Variants in ZC3H12B observed in about 807,000 individuals in gnomAD.
ZC3H12B encodes the protein zinc finger CCCH-type containing 12B, also known as probable ribonuclease ZC3H12B.
A neutral mutation model predicts 43.9 loss-of-function variants in ZC3H12B; 7 were observed. That is an observed-to-expected ratio of 0.16 (90% CI 0.09 to 0.30). ZC3H12B has a LOEUF of 0.30. Ranked by LOEUF, ZC3H12B falls within the 10% of genes least tolerant of loss-of-function variation. The pLI is 1.00. For synonymous variants in ZC3H12B, 222 were observed against 241.7 expected, an observed-to-expected ratio of 0.92 and a Z score of 0.76; for missense variants, 475 against 670.2, an observed-to-expected ratio of 0.71 and a Z score of 3.22.
chrX:65,506,343 A>G (rs2068425211), exon 5 of ZC3H12B: 1 of 112,743 alleles, frequency 8.9e-6, no homozygotes, highest in African/African-American at 3.2e-5. Context: ...ACATAAATAC[A>G]GCATGGTTCC....
chrX:65,125,087 G>A, the ZC3H12B span, among the ~76,000 whole-genome samples: 1 of 110,401 alleles, frequency 9.1e-6, no homozygotes, highest in Non-Finnish European at 1.9e-5. Flanking sequence ...TTGTTTGTTT[G>A]TGCTCTTTCA....
chrX:65,199,226 A>G, the ZC3H12B span, among the ~76,000 whole-genome samples: 1 of 107,554 alleles, frequency 9.3e-6, no homozygotes, highest in Non-Finnish European at 1.9e-5. Context: ...ACTGTCTTCA[A>G]GTTCAGTAAT....
the ZC3H12B span, among the ~76,000 whole-genome samples, chrX:65,226,322 G>C: frequency 2.7e-5 from 3 of 111,235 alleles, no homozygotes; most frequent in African/African-American, 6.5e-5. Flanking sequence ...AGCAAATGCT[G>C]AGAGATTTTG....
chrX:65,098,064 T>C, the ZC3H12B span, among the ~76,000 whole-genome samples: 11 of 111,884 alleles, frequency 9.8e-5, no homozygotes, highest in Admixed American at 1.9e-4. Flanking sequence ...CCTTTAAAAT[T>C]ATTTTGGGAA....
the ZC3H12B span, among the ~76,000 whole-genome samples, chrX:65,294,590 G>T: frequency 9.0e-6 from 1 of 111,523 alleles, no homozygotes; most frequent in African/African-American, 3.2e-5. Flanking sequence ...CCAACTATCT[G>T]CTATCTTCAG....
chrX:65,385,268 T>C (rs1371079049), intron 2 of ZC3H12B, among the ~76,000 whole-genome samples: 1 of 112,330 alleles, frequency 8.9e-6, no homozygotes, highest in Non-Finnish European at 1.9e-5. Flanking sequence ...ATTTTGATTC[T>C]TTCTATCCAT....
At chrX:65,388,112 ATG>A (rs2066556521) in intron 2 of ZC3H12B, among the ~76,000 whole-genome samples, 1 of 110,885 alleles carries the variant, frequency 9.0e-6, no homozygotes, top group South Asian at 3.9e-4. Flanking sequence ...TCTGACAATT[ATG>A]TGTCTTGGAG....
chrX:65,308,125 T>C, the ZC3H12B span, among the ~76,000 whole-genome samples: 30 of 111,175 alleles, frequency 2.7e-4, no homozygotes, highest in African/African-American at 9.5e-4. Flanking sequence ...AGATAGACCA[T>C]ATGATAGGCC....
At chrX:65,191,479 C>G in the ZC3H12B span, among the ~76,000 whole-genome samples, 1 of 102,445 alleles carries the variant, frequency 9.8e-6, no homozygotes, top group Non-Finnish European at 1.9e-5. Context: ...ATTTCAGCTC[C>G]TGTTATTGGT....
chrX:65,069,477 CA>C, the ZC3H12B span, among the ~76,000 whole-genome samples: 1 of 109,583 alleles, frequency 9.1e-6, no homozygotes, highest in Non-Finnish European at 1.9e-5. Context: ...CCAGAATTTC[CA>C]TTTGATTATC....
At chrX:65,211,553 T>C in the ZC3H12B span, among the ~76,000 whole-genome samples, 1 of 103,245 alleles carries the variant, frequency 9.7e-6, no homozygotes, top group Admixed American at 1.2e-4. Context: ...TCCAGCAAGG[T>C]TAATTAACTT....
intron 3 of ZC3H12B, among the ~76,000 whole-genome samples, chrX:65,446,767 T>C (rs2067382865): frequency 8.9e-6 from 1 of 112,104 alleles, no homozygotes; most frequent in Non-Finnish European, 1.9e-5. Context: ...TTTTCTTTCT[T>C]ATCCTCTTTA....
chrX:65,235,028 A>C, the ZC3H12B span, among the ~76,000 whole-genome samples: 5 of 111,184 alleles, frequency 4.5e-5, no homozygotes, highest in African/African-American at 1.6e-4. Flanking sequence ...GGCCTTGTTC[A>C]TTCTTTTTGG....
chrX:65,162,686 T>G, the ZC3H12B span, among the ~76,000 whole-genome samples: 570 of 111,820 alleles, frequency 5.1e-3, 8 homozygotes, highest in African/African-American at 0.018. Context: ...TTTTCAAAGT[T>G]TTTAACTTCT....
At chrX:65,123,540 A>G in the ZC3H12B span, among the ~76,000 whole-genome samples, 1 of 110,070 alleles carries the variant, frequency 9.1e-6, no homozygotes, top group Non-Finnish European at 1.9e-5. Flanking sequence ...TTTGATTCGA[A>G]TTGCATTGAA....
At chrX:65,246,552 C>CA in the ZC3H12B span, among the ~76,000 whole-genome samples, 2 of 111,523 alleles carry the variant, frequency 1.8e-5, no homozygotes, top group Non-Finnish European at 3.8e-5. Flanking sequence ...GGTACTGGTA[C>CA]AAAAAAAGAC....
intron 3 of ZC3H12B, among the ~76,000 whole-genome samples, chrX:65,458,382 C>T (rs866730281): frequency 8.1e-5 from 9 of 111,390 alleles, no homozygotes; most frequent in East Asian, 2.8e-4. Context: ...ACAGAACTCT[C>T]CACCCCAAAT....
chrX:65,390,406 TA>T (rs370831915), intron 2 of ZC3H12B, among the ~76,000 whole-genome samples: 1,987 of 108,929 alleles, frequency 0.018, 57 homozygotes, highest in African/African-American at 0.063. Context: ...AAGTATAATT[TA>T]AAAAAAAAGG....
the ZC3H12B span, among the ~76,000 whole-genome samples, chrX:65,360,453 C>T: frequency 8.9e-6 from 1 of 112,131 alleles, no homozygotes; most frequent in Non-Finnish European, 1.9e-5. Flanking sequence ...GGAAAAGAAG[C>T]TCAGTATCAT....
Sources: allele counts gnomAD v4.1 joint callset (sites outside exome capture counted in the v4.1 genomes callset), GRCh38; gene constraint gnomAD v4.1.1; transcripts MANE v1.5; gene names NCBI Gene and HGNC (gene_info 2026-07-23, HGNC 2026-07-21).